Variants in SUMF2 observed in about 807,000 individuals in gnomAD.
SUMF2 encodes the protein sulfatase modifying factor 2, also known as inactive C-alpha-formylglycine-generating enzyme 2.
In SUMF2, 45 loss-of-function variants were observed where a neutral mutation model predicts 44.8. The observed-to-expected ratio is 1.00, with a 90% CI of 0.79 to 1.29. SUMF2 has a LOEUF of 1.29. Ranked by LOEUF, SUMF2 falls within the 50% of genes most tolerant of loss-of-function variation. The probability of loss-of-function intolerance (pLI) is 0.00; values close to 1 mark genes in which losing one functional copy is unlikely to be tolerated. For missense variants in SUMF2, 418 were observed against 389.9 expected, an observed-to-expected ratio of 1.07 and a Z score of -0.61; for synonymous variants, 148 against 150.4, an observed-to-expected ratio of 0.98 and a Z score of 0.12.
At chr7:56,082,178 C>T, downstream of SUMF2, 4 of 1,613,972 alleles carry the variant, frequency 2.5e-6, no homozygotes, top group South Asian at 1.1e-5. Flanking sequence ...CACCTCTTTC[C>T]CGTAGCCCGG....
At chr7:56,072,639 C>T (rs546751793) in intron 2 of SUMF2, among the ~76,000 whole-genome samples, 16 of 152,172 alleles carry the variant, frequency 1.1e-4, no homozygotes, top group South Asian at 2.1e-4. Context: ...AGGAGAATGG[C>T]GTGAAACCGG....
chr7:56,074,295 C>A, intron 4 of SUMF2, 77 bp downstream of exon 4: 1 of 1,414,794 alleles, frequency 7.1e-7, no homozygotes, highest in Non-Finnish European at 1.0e-6. Context: ...CTCTCTACCC[C>A]TCGTACATCC....
chr7:56,081,486 C>T (rs1562875928), downstream of SUMF2: 4 of 1,234,374 alleles, frequency 3.2e-6, no homozygotes, highest in African/African-American at 1.5e-5. The surrounding 1 kb of genome is among the most constrained non-coding windows in gnomAD (Gnocchi z 4.6). Flanking sequence ...TGACACCTGC[C>T]GTCTTTGAAG....
chr7:56,069,821 T>C (rs1232543098), intron 2 of SUMF2, among the ~76,000 whole-genome samples: 2 of 152,094 alleles, frequency 1.3e-5, no homozygotes, highest in Admixed American at 6.6e-5. Context: ...TGGGCTCAAA[T>C]GATCCTTCTG....
downstream of SUMF2, chr7:56,083,262 G>C: frequency 1.9e-6 from 3 of 1,613,202 alleles, no homozygotes; most frequent in South Asian, 3.3e-5. Context: ...CGTGGGCCAA[G>C]GCCATGTTAC....
chr7:56,070,723 AT>A lies in SUMF2; in HGVS notation c.224+2086del, dbSNP rs148550544. ...ATCTCCTGCTCCAGTGGCTTTATTC[AT>A]GATCTCCAAAAACAGGAGATAACTC... On this transcript the variant is annotated intron_variant, in intron 2 of 8. Coordinates refer to ENST00000434526, the MANE Select transcript of SUMF2 (RefSeq NM_015411.4). Among the ~76,000 whole-genome samples, 1,427 of 152,244 alleles carry A rather than the reference AT, an allele frequency of 9.4e-3. 21 individuals carry two copies. Among genetic ancestry groups the A allele is most frequent in the African/African-American group, 0.032 (1,325 of 41,560 alleles).
chr7:56,073,207 A>G, intron 3 of SUMF2, 96 bp downstream of exon 3: 1 of 927,732 alleles, frequency 1.1e-6, no homozygotes, highest in South Asian at 1.4e-5. Context: ...GTGGAGAATC[A>G]GACCTGAGAG....
intron 2 of SUMF2, among the ~76,000 whole-genome samples, chr7:56,072,747 C>G (rs1562864175): frequency 1.4e-5 from 2 of 146,272 alleles, no homozygotes; most frequent in Admixed American, 1.4e-4. Flanking sequence ...AATAAACAAA[C>G]AAATAAAATA....
chr7:56,074,564 C>A, intron 4 of SUMF2, 22 bp from the exon 5 acceptor site: 1 of 1,611,268 alleles, frequency 6.2e-7, no homozygotes, highest in South Asian at 1.1e-5. Flanking sequence ...GGAAGCCTGT[C>A]TCACTTAATC....
At chr7:56,087,286 A>G in the SUMF2 span, among the ~76,000 whole-genome samples, 4 of 151,412 alleles carry the variant, frequency 2.6e-5, no homozygotes, top group Admixed American at 2.0e-4. Flanking sequence ...TAATAGTGCA[A>G]TCATAACTCA....
chr7:56,065,238 C>T (rs1357417211), intron 1 of SUMF2, among the ~76,000 whole-genome samples: 1 of 148,970 alleles, frequency 6.7e-6, no homozygotes, highest in Non-Finnish European at 1.5e-5. Context: ...TAACGAGGAA[C>T]GACCCCCGCC....
rs1562874623 is a variant in SUMF2, at chr7:56,080,666, T to A, written c.*1054T>A. ...CAATAAAATCTCCTGCAATTGTGTA[T>A]CTCAGACATTTGTGTCTTTGATCCT... is the stretch of plus-strand genomic sequence containing the variant. On this transcript the variant is annotated 3_prime_UTR_variant, in exon 9 of 9. Coordinates refer to ENST00000434526, the MANE Select transcript of SUMF2 (RefSeq NM_015411.4). The A allele has an allele frequency of 1.2e-5, 3 of 247,626 alleles. No homozygotes were observed. The highest frequency in any genetic ancestry group is 2.4e-5 in the Non-Finnish European group (3 of 126,120). The allele number at this position is 247,626 out of a possible 1,614,324, so 15.3% of individuals were successfully genotyped here.
At chr7:56,064,527 C>T (rs1159954081) in intron 1 of SUMF2, 149 bp downstream of exon 1, 11 of 1,155,256 alleles carry the variant, frequency 9.5e-6, no homozygotes, top group South Asian at 1.5e-5. Context: ...CGCGTGGCGC[C>T]TCACCGCCTT....
intron 5 of SUMF2, among the ~76,000 whole-genome samples, chr7:56,075,713 A>G (rs900321189): frequency 7.2e-5 from 11 of 151,800 alleles, no homozygotes; most frequent in African/African-American, 2.7e-4. Flanking sequence ...AAAAAAAAAA[A>G]GAATCACTGT....
chr7:56,071,515 A>G (rs773334386), intron 2 of SUMF2, among the ~76,000 whole-genome samples: 11 of 151,930 alleles, frequency 7.2e-5, no homozygotes, highest in Non-Finnish European at 1.3e-4. Flanking sequence ...GGTTGGGCGC[A>G]GTGGCTCACA....
downstream of SUMF2, chr7:56,083,743 A>C (rs770661604): frequency 2.5e-5 from 38 of 1,503,338 alleles, no homozygotes; most frequent in Admixed American, 7.3e-4. Flanking sequence ...TGATAGCTGG[A>C]TCGGTCCCAA....
intron 6 of SUMF2, among the ~76,000 whole-genome samples, chr7:56,077,680 C>T (rs1795656809): frequency 6.6e-6 from 1 of 151,358 alleles, no homozygotes; most frequent in African/African-American, 2.4e-5. Context: ...AAAAATAAAA[C>T]TAAAATAAGC....
chr7:56,077,973 G>T, intron 6 of SUMF2, 129 bp from the exon 7 acceptor site: 1 of 727,276 alleles, frequency 1.4e-6, no homozygotes, highest in South Asian at 1.8e-5. Context: ...AGGAATCTTA[G>T]GTCACCGCCC....
chr7:56,076,699 T>TA, intron 5 of SUMF2, 135 bp from the exon 6 acceptor site: 1 of 777,970 alleles, frequency 1.3e-6, no homozygotes, highest in Non-Finnish European at 2.0e-6. Flanking sequence ...GCATGGCAAA[T>TA]AAAAGCAGGT....
Sources: gnomAD v4.1 joint callset for allele counts (sites outside exome capture counted in the v4.1 genomes callset) on GRCh38, gnomAD v4.1.1 for gene constraint, Gnocchi (gnomAD v3.1) non-coding constraint, MANE v1.5 for transcripts, NCBI Gene and HGNC (gene_info 2026-07-23, HGNC 2026-07-21) for gene names.